Variants in FGGY observed in about 807,000 individuals in gnomAD.
The protein encoded by FGGY is FGGY carbohydrate kinase domain containing.
A neutral mutation model predicts 71.3 loss-of-function variants in FGGY; 72 were observed. The observed-to-expected ratio is 1.01, with a 90% CI of 0.84 to 1.23. FGGY has a LOEUF of 1.23. FGGY is among the 50% of genes most tolerant of loss of function. The pLI, the probability that FGGY is intolerant of heterozygous loss-of-function variation, is 0.00. For missense variants in FGGY, 668 were observed against 682.3 expected (o/e 0.98, Z 0.23); for synonymous variants, 251 against 250.3 (o/e 1.00, Z -0.02).
At chr1:59,580,368 A>G (rs1035361759) in intron 8 of FGGY, among the ~76,000 whole-genome samples, 1 of 152,064 alleles carries the variant, frequency 6.6e-6, no homozygotes, top group Non-Finnish European at 1.5e-5. Context: ...CTTTCTGGCA[A>G]GAGTTGCTTC....
intron 9 of FGGY, among the ~76,000 whole-genome samples, chr1:59,616,306 TA>T (rs1489586947): frequency 3.3e-5 from 5 of 151,954 alleles, no homozygotes; most frequent in Admixed American, 6.6e-5. Flanking sequence ...TATGCAGCCA[TA>T]AAAATGAGTT....
intron 14 of FGGY, among the ~76,000 whole-genome samples, chr1:59,715,889 T>G (rs369535589): frequency 1.0e-3 from 157 of 152,314 alleles, no homozygotes; most frequent in African/African-American, 3.5e-3. Flanking sequence ...AAAGTTATAT[T>G]GAGACACAAT....
chr1:59,448,714 G>A (rs1277533076), intron 5 of FGGY, among the ~76,000 whole-genome samples: 1 of 152,132 alleles, frequency 6.6e-6, no homozygotes. Flanking sequence ...CATATAACTG[G>A]ATGAAAAAGG....
chr1:59,503,392 A>G (rs1361661538), intron 6 of FGGY, among the ~76,000 whole-genome samples: 1 of 151,748 alleles, frequency 6.6e-6, no homozygotes, highest in African/African-American at 2.4e-5. Flanking sequence ...CTGAACACTG[A>G]CCTACAATAG....
At chr1:59,348,020 A>G (rs2052458320) in intron 4 of FGGY, among the ~76,000 whole-genome samples, 1 of 152,196 alleles carries the variant, frequency 6.6e-6, no homozygotes, top group African/African-American at 2.4e-5. Flanking sequence ...TGAACAGGCA[A>G]CCTACAGAAT....
chr1:59,371,468 A>G (rs943370329), intron 4 of FGGY, among the ~76,000 whole-genome samples: 16 of 152,324 alleles, frequency 1.1e-4, no homozygotes, highest in Middle Eastern at 3.4e-3. Context: ...GGAGACTTTA[A>G]CACCCCACTG....
At chr1:59,428,329 A>C (rs2066741663) in intron 5 of FGGY, among the ~76,000 whole-genome samples, 1 of 152,244 alleles carries the variant, frequency 6.6e-6, no homozygotes, top group Non-Finnish European at 1.5e-5. Flanking sequence ...GCTCATAGTG[A>C]TTAAATGACT....
At chr1:59,459,434 T>C (rs909690293) in intron 6 of FGGY, among the ~76,000 whole-genome samples, 1 of 152,210 alleles carries the variant, frequency 6.6e-6, no homozygotes, top group East Asian at 1.9e-4. Context: ...CAAAAGAATA[T>C]AGTAGAAATT....
intron 5 of FGGY, among the ~76,000 whole-genome samples, chr1:59,410,613 CT>C (rs144898680): frequency 0.17 from 25,751 of 152,040 alleles, 2,742 homozygotes; most frequent in East Asian, 0.36. Flanking sequence ...AAGTAATTCC[CT>C]TTCACTTGTC....
At chr1:59,325,811 C>T (rs1449683401) in intron 2 of FGGY, among the ~76,000 whole-genome samples, 1 of 152,194 alleles carries the variant, frequency 6.6e-6, no homozygotes, top group Non-Finnish European at 1.5e-5. Context: ...AATTGAGGCT[C>T]TGGAACTAAC....
intron 2 of FGGY, among the ~76,000 whole-genome samples, chr1:59,335,637 A>G (rs2049336987): frequency 1.3e-5 from 2 of 152,194 alleles, no homozygotes; most frequent in African/African-American, 4.8e-5. Context: ...TCCATCAGCA[A>G]TGTATAAGGG....
chr1:59,468,224 A>G (rs2153538898), intron 6 of FGGY, among the ~76,000 whole-genome samples: 1 of 152,284 alleles, frequency 6.6e-6, no homozygotes, highest in Middle Eastern at 3.4e-3. Flanking sequence ...TTTCTAAACC[A>G]CAATGGACTT....
chr1:59,334,557 CA>C (rs1187044285), intron 2 of FGGY, among the ~76,000 whole-genome samples: 1 of 152,058 alleles, frequency 6.6e-6, no homozygotes, highest in African/African-American at 2.4e-5. Flanking sequence ...CAATATATGG[CA>C]ATGCTTTATT....
chr1:59,584,674 A>G (rs1045690956), intron 8 of FGGY, among the ~76,000 whole-genome samples: 2 of 149,978 alleles, frequency 1.3e-5, no homozygotes, highest in African/African-American at 2.5e-5. Flanking sequence ...GGCCAGGGCA[A>G]TCAGGCAGGA....
intron 11 of FGGY, among the ~76,000 whole-genome samples, chr1:59,653,452 G>T (rs577188067): frequency 6.6e-6 from 1 of 152,184 alleles, no homozygotes; most frequent in Non-Finnish European, 1.5e-5. Context: ...ATATAGTCTC[G>T]TGGTTCGCCG....
At chr1:59,758,327 T>G (rs2098312357) in intron 15 of FGGY, among the ~76,000 whole-genome samples, 1 of 152,242 alleles carries the variant, frequency 6.6e-6, no homozygotes, top group Non-Finnish European at 1.5e-5. Context: ...CTCATTCTTT[T>G]ACTCTTTGTA....
chr1:59,761,066 G>A (rs760249945), intron 15 of FGGY, among the ~76,000 whole-genome samples: 2 of 152,102 alleles, frequency 1.3e-5, no homozygotes, highest in Non-Finnish European at 2.9e-5. Context: ...TATGAGTCAG[G>A]TACTGTTCTA....
At chr1:59,518,674 A>G (rs974450159) in intron 7 of FGGY, among the ~76,000 whole-genome samples, 1 of 151,558 alleles carries the variant, frequency 6.6e-6, no homozygotes, top group Non-Finnish European at 1.5e-5. Flanking sequence ...GCACCACCCC[A>G]CTCTCTCTCT....
intron 14 of FGGY, among the ~76,000 whole-genome samples, chr1:59,707,154 T>A (rs2154024055): frequency 6.6e-6 from 1 of 152,342 alleles, no homozygotes; most frequent in Non-Finnish European, 1.5e-5. Flanking sequence ...CATCAGGATT[T>A]ATCTGCAGCA....
Sources: allele counts gnomAD v4.1 joint callset (sites outside exome capture counted in the v4.1 genomes callset), GRCh38; gene constraint gnomAD v4.1.1; transcripts MANE v1.5; gene names NCBI Gene and HGNC (gene_info 2026-07-23, HGNC 2026-07-21).